FBN2: variants seen among roughly 807,000 people sequenced by gnomAD.
FBN2 encodes the protein fibrillin-2.
FBN2 carries 105 observed loss-of-function variants against 355.6 expected under a neutral mutation model. That is an observed-to-expected ratio of 0.30 (90% CI 0.25 to 0.35). FBN2 has a LOEUF of 0.35. Ranked by LOEUF, FBN2 falls within the 10% of genes least tolerant of loss-of-function variation. The pLI is 1.00. For synonymous variants in FBN2, 1,350 were observed against 1,301.2 expected (o/e 1.04, Z -0.81); for missense variants, 3,280 against 3,758.7 (o/e 0.87, Z 3.33).
At chr5:128,531,097 G>A (rs1756689200) in intron 2 of FBN2, among the ~76,000 whole-genome samples, 1 of 151,726 alleles carries the variant, frequency 6.6e-6, no homozygotes, top group Admixed American at 6.6e-5. Context: ...GAAAAATCGT[G>A]GAACCAACCC....
intron 5 of FBN2, among the ~76,000 whole-genome samples, chr5:128,514,405 G>A (rs555180945): frequency 6.6e-6 from 1 of 152,110 alleles, no homozygotes; most frequent in East Asian, 1.9e-4. Context: ...TCCTATTACG[G>A]TATTTACTGT....
chr5:128,488,850 A>G (rs967493151), intron 5 of FBN2, among the ~76,000 whole-genome samples: 18 of 151,946 alleles, frequency 1.2e-4, no homozygotes, highest in African/African-American at 3.9e-4. Flanking sequence ...TTATGGCTGC[A>G]TGGTATTCCA....
intron 18 of FBN2, among the ~76,000 whole-genome samples, chr5:128,362,923 T>G (rs1751675898): frequency 6.6e-6 from 1 of 152,204 alleles, no homozygotes; most frequent in South Asian, 2.1e-4. Flanking sequence ...ACTGATACTG[T>G]GGAGATTTTG....
chr5:128,362,619 C>T (rs194276), intron 18 of FBN2, among the ~76,000 whole-genome samples: 41,086 of 152,048 alleles, frequency 0.27, 5,998 homozygotes, highest in Admixed American at 0.37. Flanking sequence ...TGTGCCACCA[C>T]GCCTGGCCAA....
At chr5:128,360,329 A>C (rs26024) in intron 19 of FBN2, among the ~76,000 whole-genome samples, 41,472 of 152,014 alleles carry the variant, frequency 0.27, 6,629 homozygotes, top group Admixed American at 0.4. Flanking sequence ...AGTTGAATAC[A>C]TTTGAGAAGC....
intron 37 of FBN2, 127 bp downstream of exon 37, chr5:128,312,507 G>T: frequency 2.2e-6 from 2 of 921,670 alleles, no homozygotes; most frequent in Non-Finnish European, 1.7e-6. Context: ...ATCACTGAAA[G>T]TAGTTCAAAT....
At position 128,279,324 on chromosome 5, in the gene FBN2, TA is replaced by T. The variant is rs1425751588; in HGVS notation, c.7139-484del. On this transcript the variant is annotated intron_variant, in intron 56 of 64. Transcript: ENST00000262464. ...GATTTTATAAAAATATAAATAAAATTATTTTTTTCAGATTTAAAAGCCAATT... is the reference window on the plus strand; with the variant it reads ...GATTTTATAAAAATATAAATAAAATTTTTTTTTCAGATTTAAAAGCCAATT... Among the ~76,000 whole-genome samples the T allele has an allele frequency of 6.6e-5, 10 of 152,174 alleles. No homozygotes were observed. The East Asian group carries it at 7.7e-4, about 12-fold the overall frequency.
intron 4 of FBN2, among the ~76,000 whole-genome samples, chr5:128,520,660 G>A (rs1289476240): frequency 1.3e-5 from 2 of 152,130 alleles, no homozygotes; most frequent in Non-Finnish European, 2.9e-5. Context: ...TGCTGATGAT[G>A]GTCAGAAGAC....
At chr5:128,470,942 C>T (rs889488181) in intron 5 of FBN2, among the ~76,000 whole-genome samples, 1 of 151,868 alleles carries the variant, frequency 6.6e-6, no homozygotes, top group African/African-American at 2.4e-5. Flanking sequence ...TATGCTGTAA[C>T]TGCAAGTCAG....
chr5:128,310,383 TATATATATATATATATA>T (rs1261581119), intron 39 of FBN2, among the ~76,000 whole-genome samples: 60 of 14,002 alleles, frequency 4.3e-3, no homozygotes, highest in African/African-American at 0.014. Flanking sequence ...TATATATATA[TATATATATATATATATA>T]TATTTTTTTT....
intron 48 of FBN2, among the ~76,000 whole-genome samples, chr5:128,296,840 A>T (rs1749533406): frequency 6.6e-6 from 1 of 151,534 alleles, no homozygotes; most frequent in Non-Finnish European, 1.5e-5. Context: ...TATTTCCTTC[A>T]GTTCTGCTCT....
At chr5:128,309,856 G>A (rs1275944910) in intron 40 of FBN2, 127 bp downstream of exon 40, 2 of 1,090,894 alleles carry the variant, frequency 1.8e-6, no homozygotes, top group African/African-American at 3.1e-5. Flanking sequence ...CAGCTTGCAA[G>A]ACTCTGAAAT....
At chr5:128,297,353 C>A (rs1178353383) in intron 48 of FBN2, among the ~76,000 whole-genome samples, 1 of 152,098 alleles carries the variant, frequency 6.6e-6, no homozygotes, top group Non-Finnish European at 1.5e-5. Context: ...TCTATTAGGT[C>A]CGCTTGGTGC....
At chr5:128,526,389 C>T (rs1756563261) in intron 4 of FBN2, among the ~76,000 whole-genome samples, 1 of 152,106 alleles carries the variant, frequency 6.6e-6, no homozygotes, top group South Asian at 2.1e-4. Flanking sequence ...CCAACAATTC[C>T]ACTTCTGGGT....
chr5:128,480,671 T>C (rs892300399), intron 5 of FBN2, among the ~76,000 whole-genome samples: 5 of 152,046 alleles, frequency 3.3e-5, no homozygotes, highest in African/African-American at 7.2e-5. Flanking sequence ...GATTGCGCCA[T>C]TGCAGTGAGC....
chr5:128,355,630 T>C (rs1029103655), intron 20 of FBN2, among the ~76,000 whole-genome samples: 2 of 152,234 alleles, frequency 1.3e-5, no homozygotes, highest in African/African-American at 2.4e-5. Flanking sequence ...CTGACAGTCC[T>C]ATTATACATT....
chr5:128,336,220 A>T, intron 27 of FBN2, 107 bp from the exon 28 acceptor site: 3 of 1,069,430 alleles, frequency 2.8e-6, no homozygotes, highest in Non-Finnish European at 4.3e-6. Flanking sequence ...TGTGTACTTC[A>T]CGAGGAAGTA....
chr5:128,334,628 C>T, intron 31 of FBN2, 91 bp downstream of exon 31: 1 of 1,375,188 alleles, frequency 7.3e-7, no homozygotes, highest in East Asian at 2.3e-5. Context: ...CAGGTAACCG[C>T]TCTAAGAGAT....
intron 13 of FBN2, 92 bp from the exon 14 acceptor site, chr5:128,376,945 C>A: frequency 6.8e-7 from 1 of 1,467,958 alleles, no homozygotes; most frequent in Non-Finnish European, 9.5e-7. Context: ...AATTCCACTA[C>A]CTAAATGAGC....
Sources: gnomAD v4.1 joint callset for allele counts (sites outside exome capture counted in the v4.1 genomes callset) on GRCh38, gnomAD v4.1.1 for gene constraint, MANE v1.5 for transcripts, NCBI Gene and HGNC (gene_info 2026-07-23, HGNC 2026-07-21) for gene names.